The following SIM1 variants were observed in gnomAD, a reference collection of about 807,000 sequenced individuals.
SIM1 encodes the protein single-minded homolog 1.
A neutral mutation model predicts 78.2 loss-of-function variants in SIM1; 18 were observed. That is an observed-to-expected ratio of 0.23 (90% CI 0.16 to 0.34). The LOEUF (loss-of-function observed/expected upper bound fraction) is 0.34, where lower values mean the gene tolerates loss of function less well. Ranked by LOEUF, SIM1 falls within the 10% of genes least tolerant of loss-of-function variation. SIM1 has a pLI of 1.00. For missense variants in SIM1, 939 were observed against 975.1 expected, an observed-to-expected ratio of 0.96 and a Z score of 0.49; for synonymous variants, 417 against 385.2, an observed-to-expected ratio of 1.08 and a Z score of -0.97.
At position 100,393,745 on chromosome 6, in the gene SIM1, G is replaced by A; in HGVS notation, c.1312C>T (p.Gln438Ter). 1.2e-6 allele frequency: 2 copies of A among 1,614,256 alleles called. No individual in the cohort carries two copies. Among genetic ancestry groups the A allele is most frequent in the Non-Finnish European group, 1.7e-6 (2 of 1,180,040 alleles). The change falls in exon 11 of 12, where the codon CAG (glutamine) becomes TAG (stop). Residue 438 changes from glutamine to a stop codon, truncating the protein, a stop_gained. Transcript: ENST00000369208. LOFTEE classifies it high-confidence loss of function. Reference protein sequence around the residue: ...SQHDASCAYRQFSDRSSLCYG... With the variant: ...SQHDASCAYR ...CAGAGAGAGCTGCGGTCCGAAAACT[G>A]TCTGTAGGCGCACGATGCGTCGTGC... is the stretch of plus-strand genomic sequence containing the variant.
intron 10 of SIM1, among the ~76,000 whole-genome samples, chr6:100,394,516 C>T (rs1770723201): frequency 6.6e-6 from 1 of 152,172 alleles, no homozygotes; most frequent in African/African-American, 2.4e-5. Flanking sequence ...AGCAATCCTC[C>T]CATCTCAGCC....
chr6:100,454,323 C>T (rs2114548785), intron 2 of SIM1, among the ~76,000 whole-genome samples: 1 of 152,340 alleles, frequency 6.6e-6, no homozygotes, highest in East Asian at 1.9e-4. Context: ...CCTTGGCGGG[C>T]TTTCTGATTG....
intron 3 of SIM1, among the ~76,000 whole-genome samples, chr6:100,450,646 C>G (rs978918329): frequency 6.9e-6 from 1 of 144,118 alleles, no homozygotes; most frequent in Non-Finnish European, 1.5e-5. Flanking sequence ...AAAATACATC[C>G]ATAAAACACA....
At chr6:100,448,297 G>C (rs545211463) in intron 7 of SIM1, 45 bp from the exon 8 acceptor site, 2 of 1,508,488 alleles carry the variant, frequency 1.3e-6, no homozygotes, top group Non-Finnish European at 1.8e-6. Context: ...CGCGGGTGCA[G>C]GGATGCCCTC....
chr6:100,457,827 G>C (rs1026321839), intron 2 of SIM1, among the ~76,000 whole-genome samples: 5 of 152,304 alleles, frequency 3.3e-5, no homozygotes, highest in Admixed American at 6.5e-5. Context: ...CGCCGGGCCA[G>C]GTCTTGTTCC....
chr6:100,423,863 C>A (rs138925804), intron 9 of SIM1, among the ~76,000 whole-genome samples: 1 of 152,206 alleles, frequency 6.6e-6, no homozygotes, highest in Non-Finnish European at 1.5e-5. Flanking sequence ...CACTTCCGTT[C>A]ATTGGACAAT....
At position 100,463,799 on chromosome 6, in the gene SIM1, T is replaced by C. The variant is rs1772919074; in HGVS notation, c.-331A>G. The C allele has an allele frequency of 4.7e-6, 1 of 212,844 alleles. No individual in the cohort carries two copies. The highest frequency in any genetic ancestry group is 1.5e-4 in the South Asian group (1 of 6,766). The allele number at this position is 212,844 out of a possible 1,614,324, so 13.2% of individuals were successfully genotyped here. A position where few individuals can be genotyped will look rare whatever the true frequency, so the allele number is the denominator to read the frequency against. ...CCCCTGAGGAGCCAGCCTTTTCTTCTACTGCCAGCTGCGAACCCTGGTCCT... is the reference window on the plus strand; with the variant it reads ...CCCCTGAGGAGCCAGCCTTTTCTTCCACTGCCAGCTGCGAACCCTGGTCCT... On this transcript the variant is annotated 5_prime_UTR_variant, in exon 2 of 12. Transcript: ENST00000369208.
chr6:100,412,071 T>C (rs17060530), intron 10 of SIM1, among the ~76,000 whole-genome samples: 58,089 of 151,738 alleles, frequency 0.38, 11,521 homozygotes, highest in East Asian at 0.75. Flanking sequence ...GGTCTCCAAG[T>C]ACTAACATGA....
chr6:100,463,425 T>C lies in SIM1; in HGVS notation c.44A>G (p.Lys15Arg), dbSNP rs1582333352. 2 of 1,613,998 alleles carry C rather than the reference T, an allele frequency of 1.2e-6. No individual in the cohort carries two copies. The highest frequency in any genetic ancestry group is 4.5e-5 in the East Asian group (2 of 44,882). The change falls in exon 2 of 12, where the codon AAG becomes AGG. Residue 15 changes from lysine (K) to arginine (R), a missense_variant. This residue lies in a region of SIM1 where 121 missense variants were observed against 124.6 expected (regional missense o/e 0.97). Coordinates refer to ENST00000369208, the MANE Select transcript of SIM1 (RefSeq NM_005068.3). ...CAGTTCATAAAATTCACTGTTTTCC[T>C]TCTCCCTCCTAGTCCGCGCAGCATT... is the stretch of plus-strand genomic sequence containing the variant. The part of the protein sequence containing the change: ...SKNAARTRRE[K>R]ENSEFYELAK...
At chr6:100,438,133 C>A (rs1772106188) in intron 9 of SIM1, among the ~76,000 whole-genome samples, 3 of 152,060 alleles carry the variant, frequency 2.0e-5, no homozygotes. Flanking sequence ...TAAAAAAAAG[C>A]TTCTGCGTTG....
At position 100,438,790 on chromosome 6, in the gene SIM1, A is replaced by G. The variant is rs533150046; in HGVS notation, c.998+8478T>C. Among the ~76,000 whole-genome samples, 6 of 152,366 alleles carry G rather than the reference A, an allele frequency of 3.9e-5. No homozygotes were observed. The South Asian group carries it at 1.2e-3, about 32-fold the overall frequency. ...GAATATCACTCAGTCATAAAGAGGA[A>G]CAAAATAATGTCTTTTGCAGCAACT... On this transcript the variant is annotated intron_variant, in intron 9 of 11. Coordinates refer to ENST00000369208, the MANE Select transcript of SIM1 (RefSeq NM_005068.3).
chr6:100,449,799 G>A (rs1772463974), intron 4 of SIM1, 100 bp from the exon 5 acceptor site: 2 of 969,378 alleles, frequency 2.1e-6, no homozygotes, highest in Admixed American at 1.9e-5. Flanking sequence ...GAGGACAGCA[G>A]CCAGAATTCT....
chr6:100,433,670 G>A (rs572750903), intron 9 of SIM1, among the ~76,000 whole-genome samples: 2 of 151,964 alleles, frequency 1.3e-5, no homozygotes, highest in South Asian at 2.1e-4. Context: ...CTGGGAGGTC[G>A]AGGTGCGGTG....
intron 9 of SIM1, among the ~76,000 whole-genome samples, chr6:100,433,730 A>ACCCC (rs1247992047): frequency 2.0e-5 from 1 of 49,900 alleles, no homozygotes; most frequent in Non-Finnish European, 4.0e-5. Flanking sequence ...ATTAAGACCC[A>ACCCC]CCCCCCCACC....
intron 5 of SIM1, 33 bp from the exon 6 acceptor site, chr6:100,449,481 G>A: frequency 6.3e-7 from 1 of 1,597,480 alleles, no homozygotes; most frequent in African/African-American, 1.3e-5. Context: ...AGCTCAGGTC[G>A]TGTGACACCG....
chr6:100,404,027 C>A (rs74987893), intron 10 of SIM1, among the ~76,000 whole-genome samples: 3 of 152,076 alleles, frequency 2.0e-5, no homozygotes, highest in Admixed American at 1.3e-4. Context: ...TGTCCTACCC[C>A]CTATGCAGTA....
In SIM1 at chr6:100,385,366, G is replaced by A. The variant is rs943434614; in HGVS notation, c.*4995C>T. On this transcript the variant is annotated 3_prime_UTR_variant, in exon 12 of 12. Transcript: ENST00000369208. ...CTTTTTTGAAGTGTCTACTCATAAT[G>A]TTTCCTTTTTTGAAATATTTCCCTT... 8 of 151,522 alleles carry A rather than the reference G, an allele frequency of 5.3e-5. No individual in the cohort carries two copies. The highest frequency in any genetic ancestry group is 1.9e-4 in the East Asian group (1 of 5,166). 9.4% of individuals were successfully genotyped at this position (151,522 alleles called of 1,614,324 possible).
intron 2 of SIM1, among the ~76,000 whole-genome samples, chr6:100,456,693 A>T (rs1029583105): frequency 2.0e-5 from 3 of 152,194 alleles, no homozygotes; most frequent in Admixed American, 6.5e-5. Context: ...CTCTTCCCTT[A>T]AAGTCTGCTT....
intron 8 of SIM1, 108 bp from the exon 9 acceptor site, chr6:100,447,523 C>T: frequency 8.2e-7 from 1 of 1,216,150 alleles, no homozygotes; most frequent in Non-Finnish European, 1.2e-6. Flanking sequence ...GCCCTAATAA[C>T]TGCACCAGGC....
Sources: gnomAD v4.1 joint callset for allele counts (sites outside exome capture counted in the v4.1 genomes callset) on GRCh38, gnomAD v4.1.1 for gene constraint, gnomAD v4.1.1 regional missense constraint, MANE v1.5 for transcripts, NCBI Gene and HGNC (gene_info 2026-07-23, HGNC 2026-07-21) for gene names.